The following RTF1 variants were observed in gnomAD, a reference collection of about 807,000 sequenced individuals.
RTF1 encodes RNA polymerase-associated protein RTF1 homolog.
In RTF1, 10 loss-of-function variants were observed where a neutral mutation model predicts 95.7. That is an observed-to-expected ratio of 0.10 (90% CI 0.06 to 0.18). The LOEUF is 0.18. Ranked by LOEUF, RTF1 falls within the 10% of genes least tolerant of loss-of-function variation. The pLI is 1.00. For synonymous variants in RTF1, 305 were observed against 311.8 expected (o/e 0.98, Z 0.23); for missense variants, 458 against 875.6 (o/e 0.52, Z 6.02).
In RTF1 at chr15:41,417,268, C is replaced by A; in HGVS notation, c.153C>A (p.Ile51=). Residue 51 remains isoleucine, a synonymous_variant, in exon 1 of 18, where the codon ATC becomes ATA. Coordinates refer to ENST00000389629, the MANE Select transcript of RTF1 (RefSeq NM_015138.5). ...AGAAGCGGAAAGGCCGCGTCGTGAT[C>A]GACTCGGACACAGAGGACAGCGGCA... ...MVKKRKGRVV[I]DSDTEDSGSD... is the part of the protein sequence containing the mutation. 8.0e-7 allele frequency: 1 copy of A among 1,250,910 alleles called. No homozygotes were observed. Among genetic ancestry groups the A allele is most frequent in the Non-Finnish European group, 1.0e-6 (1 of 989,922 alleles). 77.5% of individuals were successfully genotyped at this position (1,250,910 alleles called of 1,614,324 possible).
intron 4 of RTF1, among the ~76,000 whole-genome samples, chr15:41,458,183 C>T (rs1436264024): frequency 3.3e-5 from 5 of 152,256 alleles, no homozygotes; most frequent in South Asian, 4.1e-4. Context: ...CAGAGGTAGA[C>T]GCTTAGGCTT....
chr15:41,467,465 A>G (rs2050886246), intron 6 of RTF1, among the ~76,000 whole-genome samples: 1 of 152,184 alleles, frequency 6.6e-6, no homozygotes, highest in African/African-American at 2.4e-5. Flanking sequence ...TTGTAATCCT[A>G]GCACTTTGGG....
chr15:41,440,405 G>C (rs552887903), intron 2 of RTF1: 1 of 151,844 alleles, frequency 6.6e-6, no homozygotes, highest in African/African-American at 2.4e-5. Context: ...GGCCAGGCTG[G>C]TCTCAAACTC....
At chr15:41,445,914 TTTTAGTAGAGAC>T (rs774189536) in intron 2 of RTF1, among the ~76,000 whole-genome samples, 5 of 152,024 alleles carry the variant, frequency 3.3e-5, no homozygotes, top group Non-Finnish European at 5.9e-5. Flanking sequence ...TTTTTTGTAT[TTTTAGTAGAGAC>T]GGGGTTTCAC....
chr15:41,431,220 T>TC (rs920079389), intron 1 of RTF1, among the ~76,000 whole-genome samples: 2 of 144,742 alleles, frequency 1.4e-5, no homozygotes, highest in African/African-American at 5.1e-5. Context: ...TCTTTTTTCT[T>TC]TTTTTTTTTT....
At chr15:41,458,200 AT>A (rs1157783120) in intron 4 of RTF1, among the ~76,000 whole-genome samples, 2 of 152,182 alleles carry the variant, frequency 1.3e-5, no homozygotes, top group African/African-American at 4.8e-5. Context: ...GCTTAGAGAC[AT>A]TAGGTAACTA....
intron 1 of RTF1, among the ~76,000 whole-genome samples, chr15:41,421,709 CTTT>C (rs752702270): frequency 1.6e-5 from 2 of 127,460 alleles, no homozygotes; most frequent in African/African-American, 2.9e-5. Flanking sequence ...ACTACTGGTT[CTTT>C]TTTTTTTTTT....
At chr15:41,470,489 ACT>A (rs2050904651) in intron 7 of RTF1, 97 bp downstream of exon 7, 8 of 1,276,960 alleles carry the variant, frequency 6.3e-6, no homozygotes, top group Non-Finnish European at 7.8e-6. Flanking sequence ...TGGGCCACTA[ACT>A]CTGACATGGT....
Position 41,462,951 on chromosome 15 carries a change from C to T in RTF1, c.663-1820C>T, listed in dbSNP as rs117787092. On this transcript the variant is annotated intron_variant, in intron 4 of 17. Coordinates refer to ENST00000389629, the MANE Select transcript of RTF1 (RefSeq NM_015138.5). ...TAAACTTTTATTAAAGAAGAGGTCT[C>T]GCTATGTTGTCCAGGCTATTCTTGA... Among the ~76,000 whole-genome samples the T allele has an allele frequency of 6.7e-3, 1,026 of 152,230 alleles. 7 individuals are homozygous for T. The highest frequency in any genetic ancestry group is 9.2e-3 in the Non-Finnish European group (628 of 68,006).
intron 2 of RTF1, among the ~76,000 whole-genome samples, chr15:41,443,018 T>A (rs1483101939): frequency 6.6e-6 from 1 of 152,186 alleles, no homozygotes; most frequent in African/African-American, 2.4e-5. Flanking sequence ...AGTGAGCCAT[T>A]AATATAGGTA....
chr15:41,479,393 G>A (rs316605), intron 16 of RTF1, among the ~76,000 whole-genome samples, 195 bp downstream of exon 16: 52,065 of 151,950 alleles, frequency 0.34, 9,078 homozygotes, highest in African/African-American at 0.4. Context: ...ACCACTACTT[G>A]CCTAGGGCCT....
intron 16 of RTF1, among the ~76,000 whole-genome samples, chr15:41,479,645 G>A (rs1436198611): frequency 6.6e-6 from 1 of 152,124 alleles, no homozygotes; most frequent in Non-Finnish European, 1.5e-5. Context: ...CGGATCACCT[G>A]AGGTCAGGAG....
chr15:41,438,186 G>A (rs931345024), intron 1 of RTF1, 135 bp from the exon 2 acceptor site: 3 of 510,948 alleles, frequency 5.9e-6, no homozygotes, highest in African/African-American at 3.8e-5. Flanking sequence ...CATGCTGATA[G>A]AAGTCCCTGT....
intron 1 of RTF1, among the ~76,000 whole-genome samples, chr15:41,419,022 G>A (rs2050587099): frequency 6.6e-6 from 1 of 152,108 alleles, no homozygotes; most frequent in African/African-American, 2.4e-5. Context: ...GTGGTAGGGA[G>A]ATGGAGAAGT....
intron 1 of RTF1, among the ~76,000 whole-genome samples, chr15:41,417,846 G>C (rs2050579474): frequency 6.6e-6 from 1 of 152,186 alleles, no homozygotes; most frequent in Admixed American, 6.5e-5. Flanking sequence ...TGCTTGCCAA[G>C]GATGACTTAG....
intron 1 of RTF1, among the ~76,000 whole-genome samples, chr15:41,436,469 A>G (rs1409183519): frequency 6.7e-6 from 1 of 150,260 alleles, no homozygotes; most frequent in East Asian, 1.9e-4. Flanking sequence ...AAAAAAAAAA[A>G]AAAAAATTGC....
At chr15:41,464,256 CT>C (rs764013297) in intron 4 of RTF1, among the ~76,000 whole-genome samples, 222 of 140,392 alleles carry the variant, frequency 1.6e-3, no homozygotes, top group Middle Eastern at 3.9e-3. Flanking sequence ...CTTTCTCTCT[CT>C]TTTTTTTTTT....
chr15:41,470,520 C>G, intron 7 of RTF1, 128 bp downstream of exon 7: 1 of 940,086 alleles, frequency 1.1e-6, no homozygotes, highest in East Asian at 2.4e-5. Flanking sequence ...GTTTGCTGAA[C>G]TGAGTTCCCC....
rs746580364 is a variant in RTF1 at position 41,471,292 on chromosome 15, C to T, written c.1146C>T (p.Val382=). ...WCHMPFFAKT[V]TGCFVRIGIG... Reference sequence around the variant, plus strand: ...ACATGCCCTTCTTTGCTAAAACTGTCACAGGATGTTTTGTGCGGATTGGCA... The same window carrying T: ...ACATGCCCTTCTTTGCTAAAACTGTTACAGGATGTTTTGTGCGGATTGGCA... The change falls in exon 8 of 18, where the codon GTC becomes GTT. Residue 382 remains valine, a synonymous_variant. Coordinates refer to ENST00000389629, the MANE Select transcript of RTF1 (RefSeq NM_015138.5). The T allele has an allele frequency of 3.1e-6, 5 of 1,613,878 alleles. No homozygotes were observed. In the South Asian group the frequency reaches 3.3e-5, roughly 11 times the overall value.
Sources: allele counts gnomAD v4.1 joint callset (sites outside exome capture counted in the v4.1 genomes callset), GRCh38; gene constraint gnomAD v4.1.1; transcripts MANE v1.5; gene names NCBI Gene and HGNC (gene_info 2026-07-23, HGNC 2026-07-21).